Variants in PCDHGB6 observed in about 807,000 individuals in gnomAD.
PCDHGB6 encodes the protein protocadherin gamma subfamily B, 6, also known as protocadherin gamma-B6.
PCDHGB6 carries 51 observed loss-of-function variants against 59.1 expected under a neutral mutation model. The observed-to-expected ratio is 0.86, with a 90% CI of 0.69 to 1.09. The LOEUF is 1.09. Among genes scored for constraint, PCDHGB6 ranks in the 50% least tolerant of loss-of-function variants. PCDHGB6 has a pLI of 0.00. For synonymous variants in PCDHGB6, 466 were observed against 495.1 expected (o/e 0.94, Z 0.78); for missense variants, 1,148 against 1,205.1 (o/e 0.95, Z 0.70).
chr5:141,492,320 G>A (rs1001784912), intron 1 of PCDHGB6, among the ~76,000 whole-genome samples: 1 of 152,206 alleles, frequency 6.6e-6, no homozygotes. Flanking sequence ...CTCCTCGCAC[G>A]TGGGCTTACG....
chr5:141,460,333 G>A (rs2098986532), intron 1 of PCDHGB6, among the ~76,000 whole-genome samples: 1 of 152,056 alleles, frequency 6.6e-6, no homozygotes, highest in African/African-American at 2.4e-5. Context: ...AACTTATGAT[G>A]ATTTTCTCCT....
chr5:141,420,547 G>A (rs898726649), intron 1 of PCDHGB6: 1 of 278,678 alleles, frequency 3.6e-6, no homozygotes, highest in Non-Finnish European at 6.4e-6. Context: ...TAAAATACAG[G>A]TATATTTTTA....
chr5:141,504,680 A>G (rs912248504), intron 2 of PCDHGB6, among the ~76,000 whole-genome samples: 1 of 150,294 alleles, frequency 6.7e-6, no homozygotes, highest in Non-Finnish European at 1.5e-5. Flanking sequence ...GGGTTCTTGT[A>G]AAATAGGAGG....
At chr5:141,427,954 T>G in intron 1 of PCDHGB6, 1 of 1,587,162 alleles carries the variant, frequency 6.3e-7, no homozygotes, top group Non-Finnish European at 8.6e-7. Context: ...AATGACAATG[T>G]GCCGCGGGTG....
chr5:141,431,839 T>A lies in PCDHGB6; in HGVS notation c.2418+21219T>A. The A allele has an allele frequency of 1.2e-6, 2 of 1,614,198 alleles. No individual in the cohort carries two copies. The highest frequency in any genetic ancestry group is 1.7e-6 in the Non-Finnish European group (2 of 1,180,028). The stretch of plus-strand genomic sequence containing the variant: ...TCGCCAGCTCGGTTCCCGAAAACTC[T>A]CCCAGAGGGACATTAATTGCCCTTT... On this transcript the variant is annotated intron_variant, in intron 1 of 3. Coordinates refer to ENST00000520790, the MANE Select transcript of PCDHGB6 (RefSeq NM_018926.3). This position sits in a 1 kb window ranked among gnomAD's most constrained non-coding sequence, Gnocchi z 4.8.
At chr5:141,499,021 GAAGGAAGA>G (rs1193940810) in intron 2 of PCDHGB6, among the ~76,000 whole-genome samples, 2 of 140,162 alleles carry the variant, frequency 1.4e-5, no homozygotes, top group East Asian at 2.1e-4. Flanking sequence ...AGGAAGGAAG[GAAGGAAGA>G]AAAGAAAGAA....
In PCDHGB6 at chr5:141,408,643, C is replaced by T. The variant is rs751905674; in HGVS notation, c.441C>T (p.Ser147=). 1.9e-6 allele frequency: 3 copies of T among 1,613,910 alleles called. No individual in the cohort carries two copies. Among genetic ancestry groups the T allele is most frequent in the Non-Finnish European group, 1.7e-6 (2 of 1,179,866 alleles). ...EIHLEIFESA[S]AGTRLSLDPA... is the part of the protein sequence containing the mutation. ...ATTTAGAAATTTTCGAATCTGCATC[C>T]GCTGGTACACGACTATCGCTTGACC... Residue 147 remains serine (S), a synonymous_variant, in exon 1 of 4, where the codon TCC becomes TCT. Transcript: ENST00000520790.
chr5:141,454,974 A>AT (rs2098808620), intron 1 of PCDHGB6, among the ~76,000 whole-genome samples: 1 of 151,182 alleles, frequency 6.6e-6, no homozygotes, highest in African/African-American at 2.4e-5. Context: ...CGCCTGGCTA[A>AT]TTTTTTAAAA....
intron 1 of PCDHGB6, 51 bp downstream of exon 1, chr5:141,410,671 C>T: frequency 1.3e-6 from 2 of 1,563,260 alleles, no homozygotes; most frequent in Non-Finnish European, 1.7e-6. Context: ...ACTAGTTTCT[C>T]ATATTTTAGG....
At chr5:141,448,990 T>C (rs1419678645) in intron 1 of PCDHGB6, among the ~76,000 whole-genome samples, 1 of 152,070 alleles carries the variant, frequency 6.6e-6, no homozygotes, top group Non-Finnish European at 1.5e-5. Flanking sequence ...TATTAATATA[T>C]AGAAAGCTGT....
chr5:141,478,385 T>C (rs919846683), intron 1 of PCDHGB6: 1 of 1,613,628 alleles, frequency 6.2e-7, no homozygotes, highest in Non-Finnish European at 8.5e-7. Context: ...GCCGCACCTT[T>C]ACCATCAGGT....
rs371079756 is a variant in PCDHGB6, at chr5:141,408,446, G to C, written c.244G>C (p.Gly82Arg). ...GCACTTCAGCGTAGACGCGGAGAGC[G>C]GGGACTTACTTGTGAAGAACCGAAT... is the stretch of plus-strand genomic sequence containing the variant. ...KLHFSVDAESGDLLVKNRIDR... is the reference protein window; with the variant it reads ...KLHFSVDAESRDLLVKNRIDR... Residue 82 changes from glycine (G) to arginine (R), a missense_variant, in exon 1 of 4, where the codon GGG becomes CGG. Physicochemically the swap from Gly to Arg is moderately radical, Grantham distance 125 (BLOSUM62 -2). This residue lies in a region of PCDHGB6 where 307 missense variants were observed against 323.8 expected (regional missense o/e 0.95). Transcript: ENST00000520790. 180 of 1,613,946 alleles carry C rather than the reference G, an allele frequency of 1.1e-4. No individual in the cohort carries two copies. The highest frequency in any genetic ancestry group is 1.5e-4 in the Non-Finnish European group (174 of 1,179,916).
Position 141,408,097 on chromosome 5 carries a change from C to T in PCDHGB6, c.-106C>T, listed in dbSNP as rs2095040197. ...TCCCAGCACAGCGGATTGCCAGCTC[C>T]GAGACCCGGGACTCCTCCTGTCCTG... On this transcript the variant is annotated 5_prime_UTR_variant, in exon 1 of 4. Coordinates refer to ENST00000520790, the MANE Select transcript of PCDHGB6 (RefSeq NM_018926.3). The T allele has an allele frequency of 3.5e-6, 5 of 1,434,516 alleles. No individual in the cohort carries two copies. Among genetic ancestry groups the T allele is most frequent in the Non-Finnish European group, 3.7e-6 (4 of 1,089,174 alleles). 88.9% of individuals were successfully genotyped at this position (1,434,516 alleles called of 1,614,324 possible).
intron 1 of PCDHGB6, among the ~76,000 whole-genome samples, chr5:141,443,667 C>G (rs62379164): frequency 0.042 from 6,382 of 152,210 alleles, 168 homozygotes; most frequent in Middle Eastern, 0.088. Flanking sequence ...TTTTACTGAA[C>G]TAGTAGTTTA....
chr5:141,439,638 C>T (rs1256973189), intron 1 of PCDHGB6, among the ~76,000 whole-genome samples: 2 of 152,184 alleles, frequency 1.3e-5, no homozygotes, highest in African/African-American at 4.8e-5. Context: ...GACATTCCGG[C>T]TTGGTGGCTT....
At chr5:141,468,953 T>G (rs182999574) in intron 1 of PCDHGB6, among the ~76,000 whole-genome samples, 1,938 of 89,156 alleles carry the variant, frequency 0.022, 22 homozygotes, top group Non-Finnish European at 0.033. Flanking sequence ...AAACCTGTGG[T>G]TTTTTTTACC....
rs1275109387 is a variant in PCDHGB6 at position 141,431,924 on chromosome 5, A to G, written c.2418+21304A>G. The G allele has an allele frequency of 1.1e-5, 17 of 1,614,050 alleles. No homozygotes were observed. Among genetic ancestry groups the G allele is most frequent in the Non-Finnish European group, 1.4e-5 (17 of 1,179,982 alleles). On this transcript the variant is annotated intron_variant, in intron 1 of 3. Coordinates refer to ENST00000520790, the MANE Select transcript of PCDHGB6 (RefSeq NM_018926.3). The surrounding 1 kb of genome is among the most constrained non-coding windows in gnomAD (Gnocchi z 4.8). ...ACAGGTGATCTGTTTCATCCAAGGA[A>G]ATCTGCCCTTTAAATTAGAAAAATC... is the stretch of plus-strand genomic sequence containing the variant.
At chr5:141,509,354 A>G (rs1229726913) in intron 3 of PCDHGB6, among the ~76,000 whole-genome samples, 2 of 152,144 alleles carry the variant, frequency 1.3e-5, no homozygotes, top group Non-Finnish European at 2.9e-5. Context: ...TGGCCTGGGC[A>G]TCCCTGAGGT....
At chr5:141,446,102 A>C (rs751362645) in intron 1 of PCDHGB6, among the ~76,000 whole-genome samples, 1 of 152,214 alleles carries the variant, frequency 6.6e-6, no homozygotes, top group Non-Finnish European at 1.5e-5. Context: ...TGAATTATAG[A>C]TATATTTAGG....
Sources: allele counts gnomAD v4.1 joint callset (sites outside exome capture counted in the v4.1 genomes callset), GRCh38; gene constraint gnomAD v4.1.1; regional missense constraint gnomAD v4.1.1; non-coding constraint Gnocchi (gnomAD v3.1); transcripts MANE v1.5; gene names NCBI Gene and HGNC (gene_info 2026-07-23, HGNC 2026-07-21).